Variants in MCPH1 observed in about 807,000 individuals in gnomAD.
MCPH1 encodes the protein microcephalin 1.
MCPH1 carries 104 observed loss-of-function variants against 84.5 expected under a neutral mutation model. The observed-to-expected ratio is 1.23, with a 90% CI of 1.05 to 1.45. MCPH1 has a LOEUF of 1.45. MCPH1 is among the 40% of genes most tolerant of loss of function. The probability of loss-of-function intolerance (pLI) is 0.00; values close to 1 mark genes in which losing one functional copy is unlikely to be tolerated. For missense variants in MCPH1, 1,498 were observed against 1,005.7 expected (o/e 1.49, Z -6.62); for synonymous variants, 514 against 366.8 (o/e 1.40, Z -4.58).
chr8:6,558,524 A>C (rs1359376936), intron 12 of MCPH1, among the ~76,000 whole-genome samples: 1 of 152,188 alleles, frequency 6.6e-6, no homozygotes, highest in Admixed American at 6.5e-5. Flanking sequence ...ATCCTTCTCA[A>C]GTTTCATCTA....
At chr8:6,544,488 C>T (rs1001928112) in intron 12 of MCPH1, among the ~76,000 whole-genome samples, 24 of 152,150 alleles carry the variant, frequency 1.6e-4, no homozygotes, top group African/African-American at 5.1e-4. Flanking sequence ...TATGTTACGT[C>T]AAACTGTTTT....
chr8:6,541,649 G>A (rs1220758067), intron 12 of MCPH1, among the ~76,000 whole-genome samples: 3 of 152,138 alleles, frequency 2.0e-5, no homozygotes, highest in Non-Finnish European at 2.9e-5. Flanking sequence ...TTAGAAGATA[G>A]TAGTGATGTT....
intron 8 of MCPH1, chr8:6,447,391 G>T: frequency 4.1e-6 from 4 of 985,270 alleles, no homozygotes; most frequent in African/African-American, 1.7e-5. Flanking sequence ...CGAAATAAAG[G>T]GCTTTTTGCC....
intron 4 of MCPH1, among the ~76,000 whole-genome samples, chr8:6,432,033 G>C (rs1287445548): frequency 2.0e-5 from 3 of 152,230 alleles, no homozygotes; most frequent in Non-Finnish European, 4.4e-5. Context: ...CAGAGGATCA[G>C]TTCCGGGACC....
At chr8:6,420,416 T>A (rs1350317324) in intron 3 of MCPH1, among the ~76,000 whole-genome samples, 2 of 152,238 alleles carry the variant, frequency 1.3e-5, no homozygotes, top group African/African-American at 4.8e-5. Context: ...GTGTTGGAAT[T>A]TGATTATTTT....
intron 12 of MCPH1, among the ~76,000 whole-genome samples, chr8:6,505,924 A>T (rs1434479116): frequency 1.1e-5 from 1 of 89,142 alleles, no homozygotes; most frequent in Non-Finnish European, 2.1e-5. Context: ...ATATGTATAT[A>T]TAAAAACATA....
At chr8:6,416,641 G>T (rs1429705819) in intron 3 of MCPH1, among the ~76,000 whole-genome samples, 1 of 152,172 alleles carries the variant, frequency 6.6e-6, no homozygotes, top group African/African-American at 2.4e-5. Flanking sequence ...AAGCAACCTT[G>T]CAGTCCTAGG....
intron 4 of MCPH1, among the ~76,000 whole-genome samples, chr8:6,433,676 C>T (rs1276551698): frequency 6.7e-6 from 1 of 150,040 alleles, no homozygotes; most frequent in Admixed American, 6.6e-5. Flanking sequence ...GATACTCTGA[C>T]CAATATTGGA....
chr8:6,500,600 C>G (rs1426077698), intron 12 of MCPH1: 1 of 152,466 alleles, frequency 6.6e-6, no homozygotes, highest in East Asian at 1.9e-4. Flanking sequence ...TAAAACATAA[C>G]AAGGAGTTGA....
rs532835605 is a variant in MCPH1, at chr8:6,417,235, A to G, written c.233+2352A>G. Reference sequence around the variant, plus strand: ...TCTGATTAGCTGTATATCTTTTTCTAATTAGCTGTATACCAGGGATTGGTA... The same window carrying G: ...TCTGATTAGCTGTATATCTTTTTCTGATTAGCTGTATACCAGGGATTGGTA... On this transcript the variant is annotated intron_variant, in intron 3 of 13. Coordinates refer to ENST00000344683, the MANE Select transcript of MCPH1 (RefSeq NM_024596.5). 5.9e-5 allele frequency among the ~76,000 whole-genome samples: 9 copies of G among 152,040 alleles called. No individual in the cohort carries two copies. In the South Asian group the frequency reaches 1.9e-3, roughly 32 times the overall value.
chr8:6,420,173 C>T (rs550860952), intron 3 of MCPH1, among the ~76,000 whole-genome samples: 1 of 152,004 alleles, frequency 6.6e-6, no homozygotes, highest in Non-Finnish European at 1.5e-5. Context: ...GCCACTCCCC[C>T]CAGAACTGAT....
At chr8:6,514,831 A>C in intron 12 of MCPH1, 43 of 1,407,046 alleles carry the variant, frequency 3.1e-5, no homozygotes, top group Non-Finnish European at 3.7e-5. Context: ...CTCCCCCCTT[A>C]CGTAGCAGAA....
At chr8:6,594,158 T>A (rs1014076221) in intron 12 of MCPH1, among the ~76,000 whole-genome samples, 2 of 152,214 alleles carry the variant, frequency 1.3e-5, no homozygotes. Flanking sequence ...GGGCCTAGCC[T>A]GGCCTCCCAG....
chr8:6,614,224 G>T (rs1324755637), intron 12 of MCPH1, among the ~76,000 whole-genome samples: 1 of 152,204 alleles, frequency 6.6e-6, no homozygotes. Context: ...TTTTGGAGAC[G>T]GTTGTGCAGA....
intron 9 of MCPH1, among the ~76,000 whole-genome samples, chr8:6,472,766 C>T (rs1807916747): frequency 6.6e-6 from 1 of 152,158 alleles, no homozygotes; most frequent in African/African-American, 2.4e-5. Context: ...CCATGTCCAG[C>T]CTCAGACAGT....
intron 12 of MCPH1, among the ~76,000 whole-genome samples, chr8:6,504,816 G>T (rs1341624540): frequency 6.6e-6 from 1 of 152,122 alleles, no homozygotes; most frequent in Non-Finnish European, 1.5e-5. Context: ...GTAAGTATGT[G>T]TGAACAGGAA....
At chr8:6,500,375 C>G (rs1462565251) in intron 12 of MCPH1, 2 of 160,114 alleles carry the variant, frequency 1.2e-5, no homozygotes, top group Non-Finnish European at 2.7e-5. Flanking sequence ...TTGAAAAGTT[C>G]TGGGTTCTAA....
chr8:6,520,483 C>T (rs1283519152), intron 12 of MCPH1, among the ~76,000 whole-genome samples: 1 of 152,144 alleles, frequency 6.6e-6, no homozygotes, highest in East Asian at 1.9e-4. Flanking sequence ...GCATCCTCCT[C>T]CTCCCAGGTT....
intron 4 of MCPH1, 69 bp from the exon 5 acceptor site, chr8:6,435,979 C>T (rs537797610): frequency 6.3e-4 from 997 of 1,580,638 alleles, no homozygotes; most frequent in South Asian, 1.2e-3. Context: ...GAAATGTATG[C>T]GAAAGGGCTT....
Sources: gnomAD v4.1 joint callset for allele counts (sites outside exome capture counted in the v4.1 genomes callset) on GRCh38, gnomAD v4.1.1 for gene constraint, MANE v1.5 for transcripts, NCBI Gene and HGNC (gene_info 2026-07-23, HGNC 2026-07-21) for gene names.